ITSN1: variants seen among roughly 807,000 people sequenced by gnomAD.
ITSN1 encodes the protein intersectin 1.
A neutral mutation model predicts 239.8 loss-of-function variants in ITSN1; 58 were observed. The observed-to-expected ratio is 0.24, with a 90% confidence interval of 0.20 to 0.30. The LOEUF is 0.30. Among genes scored for constraint, ITSN1 ranks in the 10% least tolerant of loss-of-function variants. ITSN1 has a pLI of 1.00. For missense variants in ITSN1, 1,558 were observed against 2,103.3 expected (o/e 0.74, Z 5.07); for synonymous variants, 780 against 770.8 (o/e 1.01, Z -0.20).
chr21:33,706,477 A>AC (rs907352531), intron 1 of ITSN1, among the ~76,000 whole-genome samples: 1 of 146,540 alleles, frequency 6.8e-6, no homozygotes, highest in Non-Finnish European at 1.5e-5. Context: ...GGCATTTATT[A>AC]CCAAAAAAAA....
chr21:33,769,899 T>C (rs1022133619), intron 11 of ITSN1, among the ~76,000 whole-genome samples: 5 of 151,760 alleles, frequency 3.3e-5, no homozygotes, highest in Non-Finnish European at 5.9e-5. Flanking sequence ...TTTCACCATG[T>C]TGGTCAGGCT....
rs2069208398 is a variant in ITSN1 at position 33,772,095 on chromosome 21, A to G, written c.1077A>G (p.Glu359=). 1.2e-6 allele frequency: 2 copies of G among 1,614,108 alleles called. No individual in the cohort carries two copies. Among genetic ancestry groups the G allele is most frequent in the Admixed American group, 1.7e-5 (1 of 60,010 alleles). Reference sequence around the variant, plus strand: ...AAGATAAGAAGCGGGAGAACTTTGAACGTGGCAACCTGGAACTGGAGAAAC... The same window carrying G: ...AAGATAAGAAGCGGGAGAACTTTGAGCGTGGCAACCTGGAACTGGAGAAAC... The part of the protein sequence containing the change: ...TFEDKKRENF[E]RGNLELEKRR... The change falls in exon 12 of 40, where the codon GAA becomes GAG. Residue 359 remains glutamate, a synonymous_variant. Coordinates refer to ENST00000381318, the MANE Select transcript of ITSN1 (RefSeq NM_003024.3).
Position 33,697,273 on chromosome 21 carries a change from G to A in ITSN1, c.-32-21524G>A, listed in dbSNP as rs564449314. Among the ~76,000 whole-genome samples the A allele has an allele frequency of 5.4e-4, 80 of 147,908 alleles. 1 individual carries two copies. The South Asian group carries it at 0.017, about 32-fold the overall frequency. On this transcript the variant is annotated intron_variant, in intron 1 of 39. Transcript: ENST00000381318. Reference sequence around the variant, plus strand: ...TTTTTTGTATTTTTAGTAGAGATGGGCTTTCACCATATTGGCCCGGCTGGT... The same window carrying A: ...TTTTTTGTATTTTTAGTAGAGATGGACTTTCACCATATTGGCCCGGCTGGT...
At chr21:33,682,359 G>A (rs1264484891) in intron 1 of ITSN1, among the ~76,000 whole-genome samples, 1 of 151,946 alleles carries the variant, frequency 6.6e-6, no homozygotes, top group African/African-American at 2.4e-5. Flanking sequence ...GGGATTACAG[G>A]CATGCGCCAC....
intron 29 of ITSN1, among the ~76,000 whole-genome samples, chr21:33,848,765 G>C (rs528548133): frequency 2.0e-5 from 3 of 152,178 alleles, no homozygotes; most frequent in African/African-American, 7.2e-5. Flanking sequence ...CTGCCCCCAG[G>C]GCTCCACGCC....
chr21:33,841,863 G>A (rs1459406007), intron 29 of ITSN1, among the ~76,000 whole-genome samples: 1 of 152,046 alleles, frequency 6.6e-6, no homozygotes, highest in Non-Finnish European at 1.5e-5. Context: ...GGTAGGATAG[G>A]GAGACGTAGT....
intron 14 of ITSN1, among the ~76,000 whole-genome samples, chr21:33,778,091 A>C (rs1028689784): frequency 2.0e-5 from 3 of 152,176 alleles, no homozygotes; most frequent in Admixed American, 2.0e-4. Context: ...TGCCATTTGA[A>C]TGTTAAATCA....
intron 29 of ITSN1, among the ~76,000 whole-genome samples, chr21:33,855,719 G>T (rs573033716): frequency 6.6e-6 from 1 of 152,384 alleles, no homozygotes; most frequent in South Asian, 2.1e-4. Flanking sequence ...GGGCAGTGGA[G>T]TGGCCCTTCC....
intron 7 of ITSN1, among the ~76,000 whole-genome samples, chr21:33,753,570 G>T (rs1388238019): frequency 6.6e-6 from 1 of 151,958 alleles, no homozygotes; most frequent in African/African-American, 2.4e-5. Flanking sequence ...AGACCAGCCT[G>T]GCCAACATGG....
chr21:33,759,870 C>T lies in ITSN1; in HGVS notation c.725-2053C>T, dbSNP rs567529854. ...ATCCCAGCACTTTGGGAGGCCAAGG[C>T]GGGTGGATCACGTGAGGTCAGGAGT... On this transcript the variant is annotated intron_variant, in intron 8 of 39. Coordinates refer to ENST00000381318, the MANE Select transcript of ITSN1 (RefSeq NM_003024.3). Among the ~76,000 whole-genome samples, 106 of 152,158 alleles carry T rather than the reference C, an allele frequency of 7.0e-4. 1 individual carries two copies. The highest frequency in any genetic ancestry group is 2.1e-3 in the African/African-American group (87 of 41,514).
rs1345323283 is a variant in ITSN1, at chr21:33,757,708, G to A, written c.724+2311G>A. 2.0e-5 allele frequency among the ~76,000 whole-genome samples: 3 copies of A among 152,244 alleles called. No homozygotes were observed. In the East Asian group the frequency reaches 5.8e-4, roughly 29 times the overall value. On this transcript the variant is annotated intron_variant, in intron 8 of 39. Coordinates refer to ENST00000381318, the MANE Select transcript of ITSN1 (RefSeq NM_003024.3). Reference sequence around the variant, plus strand: ...ATTTTATGAAGTCAGAATCCCCAAAGCAGTTCACTCAGCTGCAGGAGAAGC... The same window carrying A: ...ATTTTATGAAGTCAGAATCCCCAAAACAGTTCACTCAGCTGCAGGAGAAGC...
intron 1 of ITSN1, among the ~76,000 whole-genome samples, chr21:33,690,548 C>G: frequency 6.7e-6 from 1 of 148,888 alleles, no homozygotes; most frequent in Non-Finnish European, 1.5e-5. Context: ...TGCAGTGAGC[C>G]AAGATCGCAC....
intron 4 of ITSN1, among the ~76,000 whole-genome samples, chr21:33,727,282 T>C (rs1712154541): frequency 6.6e-6 from 1 of 151,630 alleles, no homozygotes; most frequent in South Asian, 2.1e-4. Context: ...AATAAAGCAG[T>C]GGGAATAGAC....
chr21:33,872,569 T>C (rs1039597467), intron 33 of ITSN1, among the ~76,000 whole-genome samples: 9 of 152,196 alleles, frequency 5.9e-5, no homozygotes, highest in Non-Finnish European at 1.2e-4. Flanking sequence ...TCTCGCTCTG[T>C]CACCCAGTCT....
At chr21:33,652,757 A>G (rs2088656162) in intron 1 of ITSN1, among the ~76,000 whole-genome samples, 1 of 152,146 alleles carries the variant, frequency 6.6e-6, no homozygotes, top group Non-Finnish European at 1.5e-5. Flanking sequence ...AATGATTATT[A>G]AATGCCTATT....
intron 27 of ITSN1, among the ~76,000 whole-genome samples, chr21:33,833,752 G>A (rs113344012): frequency 1.1e-3 from 168 of 152,034 alleles, no homozygotes; most frequent in African/African-American, 3.8e-3. Context: ...TGTGCCTGTA[G>A]TCCCAGCTAC....
chr21:33,885,155 A>T (rs780701215), intron 37 of ITSN1, 32 bp downstream of exon 37: 1 of 1,573,030 alleles, frequency 6.4e-7, no homozygotes, highest in South Asian at 1.1e-5. Context: ...TGTCCTGCAC[A>T]GCTGGGCAGG....
chr21:33,809,800 A>T (rs926521264), intron 20 of ITSN1, among the ~76,000 whole-genome samples: 4 of 150,572 alleles, frequency 2.7e-5, no homozygotes, highest in East Asian at 1.9e-4. Flanking sequence ...TGAAAATAAA[A>T]TTTTTTTTTT....
chr21:33,654,618 C>T (rs990549498), intron 1 of ITSN1, among the ~76,000 whole-genome samples: 3 of 152,092 alleles, frequency 2.0e-5, no homozygotes, highest in Admixed American at 1.3e-4. Flanking sequence ...GGGTTGGGCA[C>T]CTGACCAACC....
Sources: gnomAD v4.1 joint callset for allele counts (sites outside exome capture counted in the v4.1 genomes callset) on GRCh38, gnomAD v4.1.1 for gene constraint, MANE v1.5 for transcripts, NCBI Gene and HGNC (gene_info 2026-07-23, HGNC 2026-07-21) for gene names.